KIF1A: variants seen among roughly 807,000 people sequenced by gnomAD.
KIF1A encodes kinesin-like protein KIF1A.
KIF1A carries 46 observed loss-of-function variants against 227.3 expected under a neutral mutation model. The observed-to-expected ratio is 0.20, with a 90% CI of 0.16 to 0.26. The LOEUF is 0.26. Among genes scored for constraint, KIF1A ranks in the 10% least tolerant of loss-of-function variants. The pLI is 1.00. For missense variants in KIF1A, 1,683 were observed against 2,485.9 expected (o/e 0.68, Z 6.87); for synonymous variants, 1,022 against 1,012.8 (o/e 1.01, Z -0.17).
At chr2:240,819,732 G>A (rs2058592358) in intron 1 of KIF1A, among the ~76,000 whole-genome samples, 1 of 151,434 alleles carries the variant, frequency 6.6e-6, no homozygotes, top group African/African-American at 2.5e-5. Context: ...CAGCCCCGCC[G>A]GTGGCTCCTC....
intron 20 of KIF1A, among the ~76,000 whole-genome samples, chr2:240,764,765 T>C (rs1050623994): frequency 6.6e-6 from 1 of 152,126 alleles, no homozygotes. Flanking sequence ...AATCAGCTGA[T>C]GGAAATCAAG....
intron 17 of KIF1A, among the ~76,000 whole-genome samples, chr2:240,768,165 C>T (rs1342297731): frequency 6.6e-6 from 1 of 152,206 alleles, no homozygotes; most frequent in Admixed American, 6.5e-5. Context: ...CTGGGCAGTG[C>T]CCAGACCCAG....
rs567408550 is a variant in KIF1A, at chr2:240,722,461, C to T, written c.4660G>A (p.Val1554Ile). Residue 1554 changes from valine to isoleucine, a missense_variant, in exon 43 of 49, where the codon GTC (valine) becomes ATC (isoleucine). Transcript: ENST00000498729. ...APNERQRELA[V>I]KCLRLLTHTF... ...TGCCCACCAGCTGGACCCACCTTGA[C>T]GGCCAGCTCCCGCTGCCTCTCGTTG... is the stretch of plus-strand genomic sequence containing the variant. 29 of 1,546,200 alleles carry T rather than the reference C, an allele frequency of 1.9e-5. No individual in the cohort carries two copies. The highest frequency in any genetic ancestry group is 2.2e-4 in the Middle Eastern group (1 of 4,476).
Position 240,786,675 on chromosome 2 carries a change from C to T in KIF1A, c.430-162G>A, listed in dbSNP as rs938021788. On this transcript the variant is annotated intron_variant, in intron 5 of 48. Coordinates refer to ENST00000498729, the MANE Select transcript of KIF1A (RefSeq NM_001244008.2). ...CTGAGTGAGGGGGTGGGGGCCACCA[C>T]CAGGACCCCTGAGGGGATGGGAGCC... 0.045 allele frequency among the ~76,000 whole-genome samples: 3,474 copies of T among 77,382 alleles called. 178 individuals are homozygous for T. The highest frequency in any genetic ancestry group is 0.15 in the African/African-American group (3,163 of 21,604). 50.8% of individuals were successfully genotyped at this position (77,382 alleles called of 152,430 possible).
intron 1 of KIF1A, among the ~76,000 whole-genome samples, chr2:240,800,113 C>CACAT (rs1190972130): frequency 6.6e-4 from 97 of 147,760 alleles, no homozygotes; most frequent in African/African-American, 1.3e-3. Flanking sequence ...CAGACACACA[C>CACAT]ACACACACAC....
intron 1 of KIF1A, among the ~76,000 whole-genome samples, chr2:240,808,115 T>G (rs538165873): frequency 6.6e-6 from 1 of 152,342 alleles, no homozygotes; most frequent in South Asian, 2.1e-4. Flanking sequence ...CTATCTCTAC[T>G]TCTATTTAAC....
At chr2:240,760,415 C>T (rs954115213) in intron 25 of KIF1A, among the ~76,000 whole-genome samples, 4 of 152,274 alleles carry the variant, frequency 2.6e-5, no homozygotes, top group Admixed American at 2.6e-4. Flanking sequence ...CCTCATCTGT[C>T]CTTTCCTCCG....
At chr2:240,723,342 C>T in intron 42 of KIF1A, 71 bp downstream of exon 42, 2 of 1,434,546 alleles carry the variant, frequency 1.4e-6, no homozygotes. Context: ...TGGGCCCTCT[C>T]CAGCTTTTGC....
chr2:240,730,339 G>A (rs1178553374), intron 38 of KIF1A, among the ~76,000 whole-genome samples: 1 of 152,200 alleles, frequency 6.6e-6, no homozygotes, highest in Non-Finnish European at 1.5e-5. Context: ...CCAAGACCCA[G>A]GGAGGCTGAG....
chr2:240,733,626 A>T (rs921519662), intron 38 of KIF1A, among the ~76,000 whole-genome samples: 2 of 152,128 alleles, frequency 1.3e-5, no homozygotes, highest in Non-Finnish European at 2.9e-5. Context: ...CCTCTGCCAC[A>T]GTTGTCAATC....
intron 5 of KIF1A, among the ~76,000 whole-genome samples, chr2:240,786,840 T>TCA (rs2055002134): frequency 2.1e-5 from 1 of 48,146 alleles, no homozygotes; most frequent in Admixed American, 1.9e-4. Flanking sequence ...GGGGGCTGCC[T>TCA]GCTGAGCAGA....
chr2:240,719,320 TG>T, intron 46 of KIF1A, 122 bp from the exon 47 acceptor site: 4 of 1,167,544 alleles, frequency 3.4e-6, no homozygotes, highest in Non-Finnish European at 3.6e-6. Flanking sequence ...AGCCAGAAAG[TG>T]GGTCGAGGCA....
intron 14 of KIF1A, 128 bp from the exon 15 acceptor site, chr2:240,771,232 A>C: frequency 8.8e-7 from 1 of 1,130,110 alleles, no homozygotes; most frequent in Middle Eastern, 2.0e-4. Flanking sequence ...GGAGAGAAAA[A>C]AGATGAAGAT....
In KIF1A at chr2:240,780,798, CCACACACACACA is replaced by C. The variant is rs534367981; in HGVS notation, c.882+1780_882+1791del. Among the ~76,000 whole-genome samples, 25 of 34,878 alleles carry C rather than the reference CCACACACACACA, an allele frequency of 7.2e-4. 1 individual carries two copies. Among genetic ancestry groups the C allele is most frequent in the African/African-American group, 9.3e-4 (4 of 4,322 alleles). The allele number at this position is 34,878 out of a possible 152,430, so 22.9% of individuals were successfully genotyped here. On this transcript the variant is annotated intron_variant, in intron 10 of 48. Transcript: ENST00000498729. ...CACACACACACACACACACACAGCT[CCACACACACACA>C]CACACACACACACACAGCTCCACAC...
chr2:240,762,433 A>T (rs2050639768), intron 23 of KIF1A, among the ~76,000 whole-genome samples: 1 of 152,196 alleles, frequency 6.6e-6, no homozygotes, highest in East Asian at 1.9e-4. Flanking sequence ...TAGAGGCAGC[A>T]TGTGTGTGCA....
At chr2:240,771,600 G>T (rs934492447) in intron 14 of KIF1A, among the ~76,000 whole-genome samples, 4 of 152,140 alleles carry the variant, frequency 2.6e-5, no homozygotes, top group African/African-American at 9.7e-5. Flanking sequence ...CACTGGCTTG[G>T]CGTGGTCACC....
chr2:240,717,639 C>T (rs1230165599), intron 48 of KIF1A, among the ~76,000 whole-genome samples: 2 of 152,250 alleles, frequency 1.3e-5, no homozygotes, highest in African/African-American at 2.4e-5. Context: ...GAGGGACCAG[C>T]TCCTTCCGCA....
At chr2:240,761,105 G>A in intron 24 of KIF1A, 124 bp downstream of exon 24, 1 of 1,213,624 alleles carries the variant, frequency 8.2e-7, no homozygotes, top group South Asian at 1.4e-5. Context: ...GGTCAGGCAG[G>A]GCTGCTATGC....
intron 9 of KIF1A, 89 bp from the exon 10 acceptor site, chr2:240,782,696 C>A: frequency 7.3e-7 from 1 of 1,361,392 alleles, no homozygotes; most frequent in Admixed American, 2.0e-5. Flanking sequence ...CCGGCTGCCT[C>A]GCCCTGGCCA....
Sources: allele counts gnomAD v4.1 joint callset (sites outside exome capture counted in the v4.1 genomes callset), GRCh38; gene constraint gnomAD v4.1.1; transcripts MANE v1.5; gene names NCBI Gene and HGNC (gene_info 2026-07-23, HGNC 2026-07-21).